The following CLMN variants were observed in gnomAD, a reference collection of about 807,000 sequenced individuals.
The protein encoded by CLMN is calmin.
In CLMN, 57 loss-of-function variants were observed where a neutral mutation model predicts 92.7. That is an observed-to-expected ratio of 0.61 (90% CI 0.50 to 0.77). The LOEUF is 0.77. CLMN is among the 30% of genes least tolerant of loss of function. The pLI is 0.00. For synonymous variants in CLMN, 466 were observed against 470.6 expected, an observed-to-expected ratio of 0.99 and a Z score of 0.13; for missense variants, 1,158 against 1,237.5, an observed-to-expected ratio of 0.94 and a Z score of 0.96.
intron 1 of CLMN, among the ~76,000 whole-genome samples, chr14:95,290,233 T>C (rs1900511955): frequency 6.6e-6 from 1 of 152,198 alleles, no homozygotes; most frequent in African/African-American, 2.4e-5. Flanking sequence ...CCCCGCCCAC[T>C]CTTCTTTCTT....
At chr14:95,292,081 G>A (rs1401315419) in intron 1 of CLMN, among the ~76,000 whole-genome samples, 2 of 152,326 alleles carry the variant, frequency 1.3e-5, no homozygotes, top group East Asian at 3.9e-4. Context: ...TGACTTTTGG[G>A]CCTATTTCAC....
At chr14:95,295,533 C>CG (rs1344628458) in intron 1 of CLMN, among the ~76,000 whole-genome samples, 2 of 152,130 alleles carry the variant, frequency 1.3e-5, no homozygotes, top group Non-Finnish European at 2.9e-5. Flanking sequence ...TCAGTCTGCC[C>CG]GGGGGTGGTG....
At chr14:95,318,219 CA>C (rs1236219981) in intron 1 of CLMN, among the ~76,000 whole-genome samples, 2 of 152,222 alleles carry the variant, frequency 1.3e-5, no homozygotes, top group Non-Finnish European at 2.9e-5. Flanking sequence ...CACACCCTCA[CA>C]GTCCAGCAGA....
chr14:95,203,614 C>T lies in CLMN; in HGVS notation c.1735G>A (p.Ala579Thr), dbSNP rs2140575842. ...TGAGGTGAAGGAACTTTGTTGAAAG[C>T]CTGGCTGGTAGAAGCAAAATCTATT... ...DLIDFASTSQ[A>T]FNKVPSPHET... The change falls in exon 9 of 13, where the codon GCT becomes ACT. Residue 579 changes from alanine to threonine, a missense_variant. Transcript: ENST00000298912. The T allele has an allele frequency of 6.8e-6, 11 of 1,614,136 alleles. No individual in the cohort carries two copies. The highest frequency in any genetic ancestry group is 2.2e-5 in the East Asian group (1 of 44,888).
intron 1 of CLMN, among the ~76,000 whole-genome samples, chr14:95,236,041 G>C (rs1898044361): frequency 2.6e-5 from 4 of 152,208 alleles, no homozygotes; most frequent in Admixed American, 2.6e-4. Flanking sequence ...CCGGGGCAGT[G>C]AAGGTCCTCA....
intron 1 of CLMN, among the ~76,000 whole-genome samples, chr14:95,239,402 T>C (rs1235133070): frequency 1.3e-5 from 2 of 152,148 alleles, no homozygotes; most frequent in Non-Finnish European, 2.9e-5. Context: ...GGAATGGAGA[T>C]AGAAAAGTAT....
intron 1 of CLMN, among the ~76,000 whole-genome samples, chr14:95,300,571 C>T (rs185186550): frequency 7.2e-5 from 11 of 152,324 alleles, no homozygotes; most frequent in Admixed American, 5.9e-4. Flanking sequence ...AGAGCATGTC[C>T]ATGAGCCACG....
Position 95,209,407 on chromosome 14 carries a change from C to T in CLMN, c.873G>A (p.Pro291=), listed in dbSNP as rs775641470. Residue 291 remains proline (P), a synonymous_variant, in exon 8 of 13, where the codon CCG becomes CCA. Transcript: ENST00000298912. ...AAAGCAAACATACGGCTTCCAACTC[C>T]GGAAAACGTTCTAGAAACTGTGCCA... is the stretch of plus-strand genomic sequence containing the variant. The part of the protein sequence containing the change: ...TYVAQFLERF[P]ELEAEDIFDS... The T allele has an allele frequency of 1.2e-5, 20 of 1,613,916 alleles. No homozygotes were observed. The highest frequency in any genetic ancestry group is 4.4e-5 in the South Asian group (4 of 91,076).
rs199944710 is a variant in CLMN at position 95,213,378 on chromosome 14, T to G, written c.449A>C (p.Asn150Thr). 2.5e-6 allele frequency: 4 copies of G among 1,611,052 alleles called. No homozygotes were observed. In the African/African-American group the frequency reaches 4.0e-5, roughly 16 times the overall value. Residue 150 changes from asparagine to threonine, a missense_variant, in exon 6 of 13, where the codon AAC becomes ACC. Transcript: ENST00000298912. ...AGGGGACAAGCTGGAAGATGGAGAG[T>G]TTCTGCTGAGGTTGCCTGTGAGCTC... ...IKELTGNLSRNSPSSSLSPGS... is the reference protein window; with the variant it reads ...IKELTGNLSRTSPSSSLSPGS...
intron 4 of CLMN, among the ~76,000 whole-genome samples, chr14:95,217,578 A>C (rs1897391649): frequency 6.6e-6 from 1 of 152,222 alleles, no homozygotes; most frequent in African/African-American, 2.4e-5. Flanking sequence ...CACGAGCGCA[A>C]GTCCTGCATG....
At chr14:95,238,947 A>C (rs573684327) in intron 1 of CLMN, among the ~76,000 whole-genome samples, 3 of 152,222 alleles carry the variant, frequency 2.0e-5, no homozygotes, top group Non-Finnish European at 4.4e-5. Flanking sequence ...TTTAAGCTAT[A>C]TATATATAGG....
At chr14:95,306,385 C>G (rs555463776) in intron 1 of CLMN, among the ~76,000 whole-genome samples, 1 of 152,154 alleles carries the variant, frequency 6.6e-6, no homozygotes, top group African/African-American at 2.4e-5. Flanking sequence ...TGGTGGTGCA[C>G]GTCTGTAATC....
At chr14:95,214,259 C>T (rs1027038880) in intron 5 of CLMN, among the ~76,000 whole-genome samples, 17 of 151,122 alleles carry the variant, frequency 1.1e-4, no homozygotes, top group African/African-American at 3.4e-4. Flanking sequence ...ACCACATCTT[C>T]GGGATGTTTC....
intron 1 of CLMN, among the ~76,000 whole-genome samples, chr14:95,305,650 G>A (rs1484485499): frequency 6.6e-6 from 1 of 152,218 alleles, no homozygotes; most frequent in African/African-American, 2.4e-5. Context: ...GATTGTCCTA[G>A]AAAATTTCCC....
Position 95,300,013 on chromosome 14 carries a change from C to T in CLMN, c.82+19698G>A, listed in dbSNP as rs1260089468. Among the ~76,000 whole-genome samples the T allele has an allele frequency of 2.6e-5, 4 of 152,218 alleles. No homozygotes were observed. In the East Asian group the frequency reaches 5.8e-4, roughly 22 times the overall value. On this transcript the variant is annotated intron_variant, in intron 1 of 12. Transcript: ENST00000298912. ...ATTGTTTTTCTAGGAACCTATCCTG[C>T]GGAAATTTCACCCCAACATAGAGAC...
At chr14:95,227,748 C>T (rs1378143768) in intron 2 of CLMN, among the ~76,000 whole-genome samples, 2 of 152,116 alleles carry the variant, frequency 1.3e-5, no homozygotes, top group Admixed American at 6.5e-5. Flanking sequence ...TTGGTATGGC[C>T]GAATAAACAG....
chr14:95,224,143 C>T (rs1165782635), intron 2 of CLMN, among the ~76,000 whole-genome samples: 1 of 152,208 alleles, frequency 6.6e-6, no homozygotes, highest in African/African-American at 2.4e-5. Flanking sequence ...TCAGACCCCA[C>T]GTTTAGATCA....
At chr14:95,212,786 CTTT>C (rs143791120) in intron 6 of CLMN, among the ~76,000 whole-genome samples, 55 of 137,200 alleles carry the variant, frequency 4.0e-4, no homozygotes, top group Admixed American at 7.3e-4. Context: ...TTCTGACATT[CTTT>C]TTTTTTTTTT....
chr14:95,319,845 G>A lies in CLMN; in HGVS notation c.-53C>T, dbSNP rs1901973046. ...GCGCGGCGCGGGCGGCGGGCGCGGA[G>A]AGCCTGGCTGGCGGGCGCGCGAGCG... On this transcript the variant is annotated 5_prime_UTR_variant, in exon 1 of 13. Coordinates refer to ENST00000298912, the MANE Select transcript of CLMN (RefSeq NM_024734.4). The A allele has an allele frequency of 3.6e-6, 4 of 1,105,522 alleles. No homozygotes were observed. The South Asian group carries it at 1.5e-4, about 42-fold the overall frequency. 68.5% of individuals were successfully genotyped at this position (1,105,522 alleles called of 1,614,324 possible). A position where few individuals can be genotyped will look rare whatever the true frequency, so the allele number is the denominator to read the frequency against.
Sources: gnomAD v4.1 joint callset for allele counts (sites outside exome capture counted in the v4.1 genomes callset) on GRCh38, gnomAD v4.1.1 for gene constraint, MANE v1.5 for transcripts, NCBI Gene and HGNC (gene_info 2026-07-23, HGNC 2026-07-21) for gene names.